BTRC: variants seen among roughly 807,000 people sequenced by gnomAD.
The protein encoded by BTRC is beta-transducin repeat containing E3 ubiquitin protein ligase.
In BTRC, 42 loss-of-function variants were observed where a neutral mutation model predicts 85.5. The observed-to-expected ratio is 0.49, with a 90% CI of 0.38 to 0.64. The LOEUF is 0.64. Among genes scored for constraint, BTRC ranks in the 30% least tolerant of loss-of-function variants. The pLI, the probability that BTRC is intolerant of heterozygous loss-of-function variation, is 0.00. For synonymous variants in BTRC, 255 were observed against 263.3 expected (o/e 0.97, Z 0.30); for missense variants, 594 against 743.5 (o/e 0.80, Z 2.34).
At chr10:101,426,786 A>G (rs535049142) in intron 1 of BTRC, among the ~76,000 whole-genome samples, 1 of 152,314 alleles carries the variant, frequency 6.6e-6, no homozygotes, top group Admixed American at 6.5e-5. Flanking sequence ...TGTGAATGAA[A>G]GGGTTCTGGT....
intron 1 of BTRC, among the ~76,000 whole-genome samples, chr10:101,395,039 T>A (rs1943329371): frequency 6.6e-6 from 1 of 152,174 alleles, no homozygotes; most frequent in Non-Finnish European, 1.5e-5. Flanking sequence ...TAAATTCACG[T>A]TATTGCACTG....
chr10:101,406,034 CTA>C (rs138731809), intron 1 of BTRC, among the ~76,000 whole-genome samples: 10,095 of 152,100 alleles, frequency 0.066, 348 homozygotes, highest in Non-Finnish European at 0.074. Flanking sequence ...GGCTCTCAAA[CTA>C]TGTAGATTTG....
chr10:101,421,867 A>G (rs1944111880), intron 1 of BTRC, among the ~76,000 whole-genome samples: 1 of 151,776 alleles, frequency 6.6e-6, no homozygotes, highest in African/African-American at 2.4e-5. Context: ...AATCCAGTCT[A>G]TCATTGTTGG....
At chr10:101,398,843 G>C (rs1189247283) in intron 1 of BTRC, among the ~76,000 whole-genome samples, 1 of 152,196 alleles carries the variant, frequency 6.6e-6, no homozygotes, top group Admixed American at 6.5e-5. Context: ...GGTTGATTTT[G>C]CCTGAGCATA....
intron 1 of BTRC, among the ~76,000 whole-genome samples, chr10:101,426,446 G>A (rs938503065): frequency 2.6e-5 from 4 of 152,170 alleles, no homozygotes; most frequent in Non-Finnish European, 2.9e-5. Flanking sequence ...AAATCACACC[G>A]GTATATCTAG....
chr10:101,394,043 A>G (rs1564745465), intron 1 of BTRC, among the ~76,000 whole-genome samples: 2 of 152,246 alleles, frequency 1.3e-5, no homozygotes, highest in African/African-American at 2.4e-5. Context: ...TAGTAATTAA[A>G]TGATAGATTT....
rs746995431 is a variant in BTRC at position 101,461,933 on chromosome 10, A to G, written c.157-48A>G. Reference sequence around the variant, plus strand: ...GTAATTCAGTTTACTCCCAAAGGATAAGATTGAAGATAATGAGAACTGAAT... The same window carrying G: ...GTAATTCAGTTTACTCCCAAAGGATGAGATTGAAGATAATGAGAACTGAAT... On this transcript the variant is annotated intron_variant, in intron 2 of 14. Transcript: ENST00000370187. 3.7e-6 allele frequency: 5 copies of G among 1,339,958 alleles called. No homozygotes were observed. The South Asian group carries it at 6.1e-5, about 16-fold the overall frequency. 83.0% of individuals were successfully genotyped at this position (1,339,958 alleles called of 1,614,324 possible). A position where few individuals can be genotyped will look rare whatever the true frequency, so the allele number is the denominator to read the frequency against.
At chr10:101,416,054 C>T (rs910821047) in intron 1 of BTRC, among the ~76,000 whole-genome samples, 1 of 152,116 alleles carries the variant, frequency 6.6e-6, no homozygotes, top group African/African-American at 2.4e-5. Context: ...CGAGAAATCA[C>T]CTAGTGATGC....
chr10:101,369,216 A>G (rs780811166), intron 1 of BTRC, among the ~76,000 whole-genome samples: 3 of 150,094 alleles, frequency 2.0e-5, no homozygotes, highest in Non-Finnish European at 4.4e-5. Flanking sequence ...TTGGAGTATT[A>G]TTATTTTTTT....
intron 4 of BTRC, among the ~76,000 whole-genome samples, chr10:101,482,868 CTGT>C (rs1412780523): frequency 3.3e-5 from 5 of 152,150 alleles, no homozygotes; most frequent in Non-Finnish European, 7.4e-5. Flanking sequence ...GTACAAGTGT[CTGT>C]TGTTGATTCA....
rs145672979 is a variant in BTRC, at chr10:101,523,224, A to G, written c.556+1354A>G. ...ATCTCAGAAAATAAATAAATAAATA[A>G]ATAGATAAATAAATTCTACAGATGA... On this transcript the variant is annotated intron_variant, in intron 5 of 14. Transcript: ENST00000370187. Among the ~76,000 whole-genome samples, 625 of 152,248 alleles carry G rather than the reference A, an allele frequency of 4.1e-3. 2 individuals carry two copies. Among genetic ancestry groups the G allele is most frequent in the African/African-American group, 0.014 (601 of 41,522 alleles).
At chr10:101,434,355 T>C (rs1944473632) in intron 2 of BTRC, among the ~76,000 whole-genome samples, 5 of 152,180 alleles carry the variant, frequency 3.3e-5, no homozygotes, top group Admixed American at 2.6e-4. Flanking sequence ...TTTTTTTCAA[T>C]AAATTATGCT....
intron 13 of BTRC, among the ~76,000 whole-genome samples, chr10:101,544,549 G>A (rs1190617178): frequency 6.6e-6 from 1 of 151,902 alleles, no homozygotes; most frequent in African/African-American, 2.4e-5. Flanking sequence ...CTGACTACAG[G>A]CTTGTGCCAC....
At chr10:101,469,788 A>T (rs1945473786) in intron 3 of BTRC, among the ~76,000 whole-genome samples, 1 of 152,216 alleles carries the variant, frequency 6.6e-6, no homozygotes, top group Non-Finnish European at 1.5e-5. Context: ...AATGGATCAA[A>T]TACTGATCAG....
intron 1 of BTRC, among the ~76,000 whole-genome samples, chr10:101,390,746 T>G (rs185219128): frequency 6.7e-6 from 1 of 150,088 alleles, no homozygotes; most frequent in East Asian, 2.0e-4. Flanking sequence ...CCACTTTTAT[T>G]TAATTTTGTT....
chr10:101,500,384 A>C (rs931831404), intron 4 of BTRC, among the ~76,000 whole-genome samples: 2 of 152,228 alleles, frequency 1.3e-5, no homozygotes, highest in Non-Finnish European at 2.9e-5. Context: ...CCGTAGTTGT[A>C]TATGCAGTTA....
chr10:101,511,795 G>A (rs1303742791), intron 4 of BTRC, among the ~76,000 whole-genome samples: 4 of 152,148 alleles, frequency 2.6e-5, no homozygotes, highest in African/African-American at 9.7e-5. Context: ...CCAAAGTGCT[G>A]GGATTACAGG....
Position 101,554,466 on chromosome 10 carries a change from T to C in BTRC, c.*1343T>C, listed in dbSNP as rs1181604995. The C allele has an allele frequency of 2.0e-5, 3 of 152,650 alleles. No homozygotes were observed. The highest frequency in any genetic ancestry group is 7.2e-5 in the African/African-American group (3 of 41,452). The allele number at this position is 152,650 out of a possible 1,614,324, so 9.5% of individuals were successfully genotyped here. ...CCAGTTAAATATCATCTCTCAAATA[T>C]TGATCTCACCGTGTCAACCTTGCAC... On this transcript the variant is annotated 3_prime_UTR_variant, in exon 15 of 15. Transcript: ENST00000370187.
intron 13 of BTRC, among the ~76,000 whole-genome samples, chr10:101,543,706 A>C (rs2062513410): frequency 2.6e-5 from 4 of 151,902 alleles, no homozygotes. Context: ...TAGGGTTTAC[A>C]ATAGTTATCT....
Sources: allele counts gnomAD v4.1 joint callset (sites outside exome capture counted in the v4.1 genomes callset), GRCh38; gene constraint gnomAD v4.1.1; transcripts MANE v1.5; gene names NCBI Gene and HGNC (gene_info 2026-07-23, HGNC 2026-07-21).